Variants in KCNN1 observed in about 807,000 individuals in gnomAD.
The protein encoded by KCNN1 is potassium calcium-activated channel subfamily N member 1.
A neutral mutation model predicts 44.7 loss-of-function variants in KCNN1; 20 were observed. The ratio of observed to expected loss-of-function variants is 0.45; its 90% CI spans 0.32 to 0.65. The LOEUF is 0.65. Ranked by LOEUF, KCNN1 falls within the 30% of genes least tolerant of loss-of-function variation. KCNN1 has a pLI of 0.05. For synonymous variants in KCNN1, 324 were observed against 341.7 expected (o/e 0.95, Z 0.57); for missense variants, 632 against 785.3 (o/e 0.80, Z 2.33).
rs903898978 is a variant in KCNN1, at chr19:17,974,732, C to T, written c.403-360C>T. Reference sequence around the variant, plus strand: ...TGTCAGCCTGTAAACTCTGAAGTGCCGAGGCTGGATGAGGTCCGGCCTTGT... The same window carrying T: ...TGTCAGCCTGTAAACTCTGAAGTGCTGAGGCTGGATGAGGTCCGGCCTTGT... On this transcript the variant is annotated intron_variant, in intron 2 of 9. Coordinates refer to ENST00000684775, the MANE Select transcript of KCNN1 (RefSeq NM_001386974.1). This position sits in a 1 kb window ranked among gnomAD's most constrained non-coding sequence, Gnocchi z 7.3. 1.6e-4 allele frequency among the ~76,000 whole-genome samples: 25 copies of T among 152,136 alleles called. No individual in the cohort carries two copies. Among genetic ancestry groups the T allele is most frequent in the Admixed American group, 4.6e-4 (7 of 15,274 alleles).
chr19:17,955,256 T>G (rs1465170080), intron 2 of KCNN1, among the ~76,000 whole-genome samples: 6 of 143,006 alleles, frequency 4.2e-5, no homozygotes, highest in Non-Finnish European at 6.1e-5. Context: ...ATCTCTTTAA[T>G]TAAAAAAAAA....
intron 1 of KCNN1, among the ~76,000 whole-genome samples, chr19:17,969,245 C>T (rs943074838): frequency 6.6e-6 from 1 of 152,148 alleles, no homozygotes; most frequent in Non-Finnish European, 1.5e-5. Context: ...CAGTTCCCCT[C>T]CCAGAAAGCA....
chr19:17,986,593 C>A (rs1225043807), intron 5 of KCNN1, among the ~76,000 whole-genome samples: 3 of 152,120 alleles, frequency 2.0e-5, no homozygotes, highest in Non-Finnish European at 4.4e-5. Flanking sequence ...CTGTCCATCC[C>A]CTCTTTCCAG....
At chr19:17,959,283 G>C (rs1356871369) in intron 2 of KCNN1, among the ~76,000 whole-genome samples, 1 of 151,560 alleles carries the variant, frequency 6.6e-6, no homozygotes, top group African/African-American at 2.4e-5. Context: ...TTTTGAGACA[G>C]AGTCTCGCTC....
At chr19:17,977,129 A>G (rs968234716) in intron 3 of KCNN1, among the ~76,000 whole-genome samples, 1 of 152,096 alleles carries the variant, frequency 6.6e-6, no homozygotes, top group Non-Finnish European at 1.5e-5. Context: ...TCCTTCTGAG[A>G]GCCATGAGAG....
chr19:17,957,286 G>T (rs2031569883), intron 2 of KCNN1, among the ~76,000 whole-genome samples: 1 of 122,508 alleles, frequency 8.2e-6, no homozygotes, highest in Non-Finnish European at 1.7e-5. Context: ...GGAGAAGAGA[G>T]AGAGGGAGGG....
chr19:17,984,260 G>A (rs1169852190), intron 4 of KCNN1, among the ~76,000 whole-genome samples: 2 of 152,048 alleles, frequency 1.3e-5, no homozygotes, highest in African/African-American at 4.8e-5. Context: ...CGACTTCCGC[G>A]GGAGTGAAGA....
chr19:17,992,844 G>A (rs570571731), intron 7 of KCNN1, among the ~76,000 whole-genome samples: 2 of 152,282 alleles, frequency 1.3e-5, no homozygotes, highest in South Asian at 4.1e-4. Context: ...GTGGTGAGAG[G>A]ACAGGTGTGC....
chr19:17,985,087 C>G (rs542106298), intron 4 of KCNN1, among the ~76,000 whole-genome samples: 1 of 152,268 alleles, frequency 6.6e-6, no homozygotes, highest in East Asian at 1.9e-4. Context: ...ACCTGGGCCC[C>G]TCTCTGCCCC....
At chr19:17,973,501 G>A (rs930594913) in intron 1 of KCNN1, among the ~76,000 whole-genome samples, 3 of 152,136 alleles carry the variant, frequency 2.0e-5, no homozygotes, top group Admixed American at 6.6e-5. Context: ...GGCCAGTTTC[G>A]AACTCCTGAA....
intron 3 of KCNN1, among the ~76,000 whole-genome samples, 149 bp from the exon 4 acceptor site, chr19:17,981,552 CAAAAAAAA>C (rs71164338): frequency 1.1e-5 from 1 of 90,036 alleles, no homozygotes; most frequent in Non-Finnish European, 2.4e-5. Context: ...AACTCCATCT[CAAAAAAAA>C]AAAAAAAAGA....
At chr19:17,957,155 G>GA (rs1321415156) in intron 2 of KCNN1, among the ~76,000 whole-genome samples, 191 of 118,726 alleles carry the variant, frequency 1.6e-3, no homozygotes, top group African/African-American at 5.0e-3. Flanking sequence ...GGGAGAGAGA[G>GA]AAAAAAAGGA....
chr19:17,975,028 G>C (rs1168461975), intron 2 of KCNN1, 64 bp from the exon 3 acceptor site: 5 of 1,325,572 alleles, frequency 3.8e-6, no homozygotes, highest in Non-Finnish European at 5.4e-6. Flanking sequence ...AGGGTAAGGG[G>C]ATGGGAGGGC....
At chr19:17,994,309 T>A (rs562304426) in intron 9 of KCNN1, among the ~76,000 whole-genome samples, 21 of 151,692 alleles carry the variant, frequency 1.4e-4, no homozygotes, top group Admixed American at 1.1e-3. Flanking sequence ...TAACCAGGCA[T>A]GGTGGTGAGT....
At chr19:17,953,907 G>A (rs150557655) in intron 1 of KCNN1, among the ~76,000 whole-genome samples, 150 of 152,292 alleles carry the variant, frequency 9.8e-4, no homozygotes, top group South Asian at 4.6e-3. Context: ...TCCAGCCTGG[G>A]TGACAAAATG....
At chr19:17,982,643 A>T (rs1360225036) in intron 4 of KCNN1, 1 of 959,400 alleles carries the variant, frequency 1.0e-6, no homozygotes, top group Non-Finnish European at 1.2e-6. Context: ...GCCATCCCCG[A>T]CCCGCTAGGA....
Position 17,983,682 on chromosome 19 carries a change from C to T in KCNN1, c.917+1555C>T, listed in dbSNP as rs1397870967. 2.0e-5 allele frequency among the ~76,000 whole-genome samples: 3 copies of T among 152,046 alleles called. No homozygotes were observed. The highest frequency in any genetic ancestry group is 2.1e-4 in the South Asian group (1 of 4,832). On this transcript the variant is annotated intron_variant, in intron 4 of 9. Coordinates refer to ENST00000684775, the MANE Select transcript of KCNN1 (RefSeq NM_001386974.1). This position sits in a 1 kb window ranked among gnomAD's most constrained non-coding sequence, Gnocchi z 4.5. ...GCTTGAAGCCCCCTTGCCTGCCTCG[C>T]TCTGACCCACCCCCGCCTCCCGCAT...
intron 7 of KCNN1, among the ~76,000 whole-genome samples, chr19:17,991,528 C>A (rs1400428620): frequency 1.3e-5 from 2 of 151,472 alleles, no homozygotes; most frequent in Admixed American, 6.6e-5. Flanking sequence ...AGGTGGATCC[C>A]CTGATGTCAG....
chr19:17,993,650 A>G lies in KCNN1; in HGVS notation c.1377+91A>G. 2 of 1,050,714 alleles carry G rather than the reference A, an allele frequency of 1.9e-6. No individual in the cohort carries two copies. Among genetic ancestry groups the G allele is most frequent in the South Asian group, 1.3e-5 (1 of 77,244 alleles). The allele number at this position is 1,050,714 out of a possible 1,614,324, so 65.1% of individuals were successfully genotyped here. On this transcript the variant is annotated intron_variant, in intron 9 of 9. Coordinates refer to ENST00000684775, the MANE Select transcript of KCNN1 (RefSeq NM_001386974.1). The surrounding 1 kb of genome is among the most constrained non-coding windows in gnomAD (Gnocchi z 4.5). Reference sequence around the variant, plus strand: ...CTCAGCTCCTGCCGGAGGAGGGCACAAGGACCCGCTGTGGGCTGAGTGCAG... The same window carrying G: ...CTCAGCTCCTGCCGGAGGAGGGCACGAGGACCCGCTGTGGGCTGAGTGCAG...
Sources: allele counts gnomAD v4.1 joint callset (sites outside exome capture counted in the v4.1 genomes callset), GRCh38; gene constraint gnomAD v4.1.1; non-coding constraint Gnocchi (gnomAD v3.1); transcripts MANE v1.5; gene names NCBI Gene and HGNC (gene_info 2026-07-23, HGNC 2026-07-21).